ZFYVE26: variants seen among roughly 807,000 people sequenced by gnomAD.
ZFYVE26 encodes the protein zinc finger FYVE domain-containing protein 26.
ZFYVE26 carries 181 observed loss-of-function variants against 276.5 expected under a neutral mutation model. The observed-to-expected ratio is 0.65, with a 90% CI of 0.58 to 0.74. The LOEUF (loss-of-function observed/expected upper bound fraction) is 0.74, where lower values mean the gene tolerates loss of function less well. ZFYVE26 is among the 30% of genes least tolerant of loss of function. The pLI is 0.00. For synonymous variants in ZFYVE26, 1,129 were observed against 1,203.1 expected, an observed-to-expected ratio of 0.94 and a Z score of 1.27; for missense variants, 2,821 against 3,097.9, an observed-to-expected ratio of 0.91 and a Z score of 2.12.
At chr14:67,785,305 C>T in intron 18 of ZFYVE26, 28 bp from the exon 19 acceptor site, 6 of 1,560,728 alleles carry the variant, frequency 3.8e-6, no homozygotes, top group Non-Finnish European at 5.2e-6. Context: ...GGAGAAAGGA[C>T]ACAGGCTTCA....
At chr14:67,798,900 C>A in intron 10 of ZFYVE26, 1 of 938,798 alleles carries the variant, frequency 1.1e-6, no homozygotes, top group Non-Finnish European at 1.6e-6. Context: ...CAGGCCCCGC[C>A]CCCGGGGAGG....
rs1303296408 is a variant in ZFYVE26 at position 67,798,341 on chromosome 14, G to C, written c.1921C>G (p.Leu641Val). The C allele has an allele frequency of 2.7e-5, 43 of 1,611,200 alleles. No individual in the cohort carries two copies. The highest frequency in any genetic ancestry group is 3.6e-5 in the Non-Finnish European group (43 of 1,178,434). Residue 641 changes from leucine to valine, a missense_variant, in exon 11 of 42, where the codon CTT becomes GTT. By Grantham distance (32) the Leu-to-Val change is conservative. Transcript: ENST00000347230. ...ACATGGCTTGGCATTGTATAAGCAA[G>C]GGTCTTTGGGACTCCCAGGGAACCC... The part of the protein sequence containing the change: ...ERGSLGVPKT[L>V]AYTMPSHVKA...
intron 34 of ZFYVE26, 179 bp downstream of exon 34, chr14:67,762,024 T>C (rs1176108632): frequency 3.1e-6 from 2 of 640,278 alleles, no homozygotes; most frequent in East Asian, 5.5e-5. Context: ...CTATTACTTA[T>C]CTAACCATAT....
Position 67,807,607 on chromosome 14 carries a change from C to T in ZFYVE26, c.677G>A (p.Arg226His), listed in dbSNP as rs147919567. The T allele has an allele frequency of 1.1e-3, 1,847 of 1,614,204 alleles. 6 individuals carry two copies. Among genetic ancestry groups the T allele is most frequent in the Middle Eastern group, 5.6e-3 (34 of 6,062 alleles). ...DAIYGALRTLRCPAEPLGVEL... is the reference protein window; with the variant it reads ...DAIYGALRTLHCPAEPLGVEL... ...AACCCCAAGTGGTTCTGCGGGGCAA[C>T]GCAGAGTCCGCAGGGCTCCATAGAT... Residue 226 changes from arginine to histidine, a missense_variant, in exon 5 of 42, where the codon CGT becomes CAT. Transcript: ENST00000347230.
downstream of ZFYVE26, among the ~76,000 whole-genome samples, chr14:67,743,185 T>C (rs1328635455): frequency 1.3e-5 from 2 of 151,908 alleles, no homozygotes; most frequent in East Asian, 3.9e-4. Flanking sequence ...ATAACAACAC[T>C]CCTTAATACT....
At chr14:67,786,677 G>A (rs187873656) in intron 16 of ZFYVE26, among the ~76,000 whole-genome samples, 144 of 152,270 alleles carry the variant, frequency 9.5e-4, no homozygotes, top group African/African-American at 3.3e-3. Flanking sequence ...AGGATAATCT[G>A]GAAACACAGT....
intron 35 of ZFYVE26, among the ~76,000 whole-genome samples, chr14:67,759,422 G>A (rs1258956385): frequency 1.3e-5 from 2 of 151,866 alleles, no homozygotes; most frequent in South Asian, 2.1e-4. Context: ...TCAAGATATC[G>A]AGACCATCGT....
intron 13 of ZFYVE26, among the ~76,000 whole-genome samples, chr14:67,737,569 T>C (rs2038366966): frequency 6.6e-6 from 1 of 152,032 alleles, no homozygotes; most frequent in African/African-American, 2.4e-5. Flanking sequence ...CACATGGGGA[T>C]TACAATTTGA....
At chr14:67,762,550 T>C (rs1018885697) in intron 33 of ZFYVE26, 122 bp downstream of exon 33, 8 of 1,562,168 alleles carry the variant, frequency 5.1e-6, no homozygotes, top group African/African-American at 2.7e-5. Context: ...AAACTAGTCA[T>C]GTCCCCGATT....
At chr14:67,777,916 A>G (rs556171815) in intron 24 of ZFYVE26, among the ~76,000 whole-genome samples, 181 bp from the exon 25 acceptor site, 3 of 152,154 alleles carry the variant, frequency 2.0e-5, no homozygotes, top group South Asian at 4.2e-4. Flanking sequence ...ACAGGACCAG[A>G]ATTCAGCAGA....
chr14:67,808,709 A>C (rs2040234393), intron 4 of ZFYVE26, among the ~76,000 whole-genome samples: 1 of 152,128 alleles, frequency 6.6e-6, no homozygotes, highest in South Asian at 2.1e-4. Flanking sequence ...TCCCTCTCTT[A>C]AATCCTACTG....
At chr14:67,757,678 CTT>C (rs1338245355) in intron 35 of ZFYVE26, among the ~76,000 whole-genome samples, 6 of 139,408 alleles carry the variant, frequency 4.3e-5, no homozygotes, top group Non-Finnish European at 7.8e-5. Flanking sequence ...TTCTTTCTTT[CTT>C]TCTCTCTCTC....
chr14:67,760,426 G>A (rs1252506606), intron 35 of ZFYVE26, among the ~76,000 whole-genome samples: 1 of 152,158 alleles, frequency 6.6e-6, no homozygotes, highest in East Asian at 1.9e-4. Context: ...TAGAAAATAT[G>A]TCTATCTGTA....
At chr14:67,804,037 T>A (rs1594935280) in intron 9 of ZFYVE26, 64 bp downstream of exon 9, 2 of 1,600,688 alleles carry the variant, frequency 1.2e-6, no homozygotes, top group Non-Finnish European at 1.7e-6. Flanking sequence ...AATCTCATGC[T>A]GGAAGAAATG....
At position 67,769,458 on chromosome 14, in the gene ZFYVE26, G is replaced by A. The variant is rs997208915; in HGVS notation, c.5621+136C>T. On this transcript the variant is annotated intron_variant, in intron 29 of 41. Coordinates refer to ENST00000347230, the MANE Select transcript of ZFYVE26 (RefSeq NM_015346.4). The stretch of plus-strand genomic sequence containing the variant: ...CAGTGTACAAACCCTTCAGTGTAGA[G>A]TTAATGGCATTTCAGTGTGAATGTT... The A allele has an allele frequency of 5.2e-6, 7 of 1,333,632 alleles. No homozygotes were observed. In the African/African-American group the frequency reaches 1.0e-4, roughly 19 times the overall value. 82.6% of individuals were successfully genotyped at this position (1,333,632 alleles called of 1,614,324 possible).
chr14:67,777,513 C>T (rs1199570800), intron 25 of ZFYVE26, 46 bp downstream of exon 25: 7 of 1,595,076 alleles, frequency 4.4e-6, no homozygotes, highest in African/African-American at 1.3e-5. Context: ...TTCCTCCTTA[C>T]CTTGGATCCC....
chr14:67,761,461 A>C lies in ZFYVE26; in HGVS notation c.6493T>G (p.Phe2165Val). 6.2e-7 allele frequency: 1 copy of C among 1,614,230 alleles called. No homozygotes were observed. Among genetic ancestry groups the C allele is most frequent in the Middle Eastern group, 1.6e-4 (1 of 6,062 alleles). The change falls in exon 35 of 42, where the codon TTC becomes GTC. Residue 2165 changes from phenylalanine (F) to valine (V), a missense_variant. Transcript: ENST00000347230. The part of the protein sequence containing the change: ...MNNTYYQECL[F>V]YLHNYSTNLA... ...TTGGTGCTATAGTTGTGCAGGTAGA[A>C]GAGGCATTCCTGGTAGTAGGTGTTG...
At position 67,769,731 on chromosome 14, in the gene ZFYVE26, C is replaced by T. The variant is rs1594898627; in HGVS notation, c.5485-1G>A. On this transcript the variant is annotated splice_acceptor_variant, in intron 28 of 41. Coordinates refer to ENST00000347230, the MANE Select transcript of ZFYVE26 (RefSeq NM_015346.4). LOFTEE classifies it high-confidence loss of function. ...GGCGACAATGATGACGCCTGTTAAA[C>T]TGAGGAATGCCATCAGGAGGAGAAG... 6.2e-7 allele frequency: 1 copy of T among 1,614,034 alleles called. No individual in the cohort carries two copies. The highest frequency in any genetic ancestry group is 8.5e-7 in the Non-Finnish European group (1 of 1,180,014).
rs1345076115 is a variant in ZFYVE26, at chr14:67,747,777, A to G, written c.*659T>C. 5 of 153,606 alleles carry G rather than the reference A, an allele frequency of 3.3e-5. No homozygotes were observed. Among genetic ancestry groups the G allele is most frequent in the Admixed American group, 3.2e-4 (5 of 15,404 alleles). 9.5% of individuals were successfully genotyped at this position (153,606 alleles called of 1,614,324 possible). On this transcript the variant is annotated 3_prime_UTR_variant, in exon 42 of 42. Transcript: ENST00000347230. Reference sequence around the variant, plus strand: ...CACAGCTTTCAGATGCCTGCACCTGAAAACCCTTCTATTCAGACTACCTTC... The same window carrying G: ...CACAGCTTTCAGATGCCTGCACCTGGAAACCCTTCTATTCAGACTACCTTC...
Sources: allele counts gnomAD v4.1 joint callset (sites outside exome capture counted in the v4.1 genomes callset), GRCh38; gene constraint gnomAD v4.1.1; transcripts MANE v1.5; gene names NCBI Gene and HGNC (gene_info 2026-07-23, HGNC 2026-07-21).